The following SH3BGR variants were observed in gnomAD, a reference collection of about 807,000 sequenced individuals.
SH3BGR encodes the protein SH3 domain-binding glutamic acid-rich protein.
In SH3BGR, 29 loss-of-function variants were observed where a neutral mutation model predicts 24.5. The observed-to-expected ratio is 1.18, with a 90% CI of 0.88 to 1.61. SH3BGR has a LOEUF of 1.61. Ranked by LOEUF, SH3BGR falls within the 40% of genes most tolerant of loss-of-function variation. The pLI is 0.00. For missense variants in SH3BGR, 162 were observed against 205.8 expected, an observed-to-expected ratio of 0.79 and a Z score of 1.30; for synonymous variants, 55 against 65.7, an observed-to-expected ratio of 0.84 and a Z score of 0.79.
intron 6 of SH3BGR, among the ~76,000 whole-genome samples, chr21:39,514,483 T>C (rs2078749466): frequency 6.6e-6 from 1 of 152,080 alleles, no homozygotes; most frequent in Non-Finnish European, 1.5e-5. Flanking sequence ...CACCTCAGCT[T>C]CTTGAGTCGC....
At chr21:39,514,994 ACTTTC>A (rs2078757344) in intron 6 of SH3BGR, 89 bp from the exon 7 acceptor site, 1 of 384,634 alleles carries the variant, frequency 2.6e-6, no homozygotes, top group Non-Finnish European at 5.3e-6. Context: ...AAAAGGCAAC[ACTTTC>A]CTTTATTGTA....
At chr21:39,451,680 CT>C, upstream of SH3BGR, 1 of 561,882 alleles carries the variant, frequency 1.8e-6, no homozygotes, top group East Asian at 3.1e-5. Flanking sequence ...TCCTCCCTCA[CT>C]TCTTTCGCCT....
upstream of SH3BGR, among the ~76,000 whole-genome samples, chr21:39,450,987 T>G (rs1168379806): frequency 1.3e-5 from 2 of 151,934 alleles, no homozygotes; most frequent in African/African-American, 4.8e-5. Context: ...TGTTTTTTTT[T>G]GTGTTATTGT....
intron 3 of SH3BGR, among the ~76,000 whole-genome samples, chr21:39,496,499 T>G (rs2078398869): frequency 9.7e-6 from 1 of 103,010 alleles, no homozygotes; most frequent in Non-Finnish European, 1.9e-5. Flanking sequence ...AGAGCGAGAC[T>G]CCGTCTCAAA....
chr21:39,467,355 A>G (rs2077861695), intron 2 of SH3BGR, among the ~76,000 whole-genome samples: 1 of 152,190 alleles, frequency 6.6e-6, no homozygotes, highest in South Asian at 2.1e-4. Context: ...ATATGGATCT[A>G]ATGAAATAAA....
At chr21:39,458,207 CT>C (rs2077695473) in intron 1 of SH3BGR, among the ~76,000 whole-genome samples, 1 of 36,408 alleles carries the variant, frequency 2.7e-5, no homozygotes, top group Non-Finnish European at 6.6e-5. Context: ...GGCTCTTGTG[CT>C]CTGTAAAACA....
At chr21:39,470,596 C>G (rs185512919) in intron 2 of SH3BGR, among the ~76,000 whole-genome samples, 1 of 152,154 alleles carries the variant, frequency 6.6e-6, no homozygotes, top group Admixed American at 6.5e-5. Context: ...TAGACACTTT[C>G]ACCCTAATCA....
At chr21:39,489,304 A>G (rs1258461267) in intron 3 of SH3BGR, among the ~76,000 whole-genome samples, 1 of 152,244 alleles carries the variant, frequency 6.6e-6, no homozygotes, top group Non-Finnish European at 1.5e-5. Context: ...CCTGAGGACT[A>G]GAAACTATGG....
At chr21:39,503,002 C>T (rs1359582892) in intron 4 of SH3BGR, among the ~76,000 whole-genome samples, 1 of 146,726 alleles carries the variant, frequency 6.8e-6, no homozygotes, top group African/African-American at 2.5e-5. Context: ...TTTTTTTCCT[C>T]AGGGACCGCC....
intron 3 of SH3BGR, among the ~76,000 whole-genome samples, chr21:39,493,556 C>G (rs1217401783): frequency 6.6e-6 from 1 of 152,088 alleles, no homozygotes; most frequent in African/African-American, 2.4e-5. Context: ...CATGATGCCT[C>G]CAGATTTGTT....
At chr21:39,472,711 G>A (rs912113206) in intron 2 of SH3BGR, among the ~76,000 whole-genome samples, 2 of 152,162 alleles carry the variant, frequency 1.3e-5, no homozygotes, top group Non-Finnish European at 2.9e-5. Flanking sequence ...AATCAGGGAA[G>A]TTTCCTTCCA....
In SH3BGR at chr21:39,511,747, A is replaced by AAGG. The variant is rs2078699959; in HGVS notation, c.505_506insGAG (p.Glu168_Glu169insGly). On this transcript the variant is annotated inframe_insertion, in exon 6 of 7. Coordinates refer to ENST00000333634, the MANE Select transcript of SH3BGR (RefSeq NM_007341.3). The surrounding 1 kb of genome is among the most constrained non-coding windows in gnomAD (Gnocchi z 4.2). Reference sequence around the variant, plus strand: ...GAGGAGGAAGAAACTGCAGAAGGAGAAGAGCCTGGAGAAGACGAAGATTCC... The same window carrying AAGG: ...GAGGAGGAAGAAACTGCAGAAGGAGAAGGAGAGCCTGGAGAAGACGAAGATTCC... 1 of 1,612,580 alleles carries AAGG rather than the reference A, an allele frequency of 6.2e-7. No individual in the cohort carries two copies. The highest frequency in any genetic ancestry group is 1.7e-5 in the Admixed American group (1 of 59,922).
At chr21:39,508,277 G>A (rs1315993645) in intron 4 of SH3BGR, among the ~76,000 whole-genome samples, 1 of 152,200 alleles carries the variant, frequency 6.6e-6, no homozygotes, top group Non-Finnish European at 1.5e-5. Flanking sequence ...TGGCTTCAGG[G>A]AGGTTTATCG....
intron 3 of SH3BGR, among the ~76,000 whole-genome samples, chr21:39,497,342 A>T (rs1304621122): frequency 6.6e-6 from 1 of 151,656 alleles, no homozygotes; most frequent in Non-Finnish European, 1.5e-5. Context: ...ACAAATGTAG[A>T]CGTCGACTTT....
intron 1 of SH3BGR, among the ~76,000 whole-genome samples, chr21:39,460,143 G>T (rs1197158887): frequency 6.6e-6 from 1 of 152,174 alleles, no homozygotes; most frequent in African/African-American, 2.4e-5. Flanking sequence ...TGTTCCCTTA[G>T]GTGTGGCTGC....
At position 39,465,879 on chromosome 21, in the gene SH3BGR, C is replaced by T. The variant is rs569830352; in HGVS notation, c.231+3319C>T. Among the ~76,000 whole-genome samples, 10 of 152,334 alleles carry T rather than the reference C, an allele frequency of 6.6e-5. No individual in the cohort carries two copies. In the East Asian group the frequency reaches 1.9e-3, roughly 29 times the overall value. ...GTGTTGGGATTATAGGTGTGAGCTG[C>T]TGTGCCTGGCTGCCCCATATTTTAA... On this transcript the variant is annotated intron_variant, in intron 2 of 6. Transcript: ENST00000333634.
At chr21:39,459,440 G>A (rs574083715) in intron 1 of SH3BGR, among the ~76,000 whole-genome samples, 6 of 152,290 alleles carry the variant, frequency 3.9e-5, no homozygotes, top group Admixed American at 2.0e-4. Context: ...GGCCAGGATA[G>A]TCTCGATCTC....
At chr21:39,492,443 G>GGTGTGTGTGTGTGTGT (rs1164205385) in intron 3 of SH3BGR, among the ~76,000 whole-genome samples, 37 of 136,636 alleles carry the variant, frequency 2.7e-4, no homozygotes, top group African/African-American at 1.0e-3. Context: ...AGTTTCCCTT[G>GGTGTGTGTGTGTGTGT]GTGTGTGTGT....
At chr21:39,472,038 G>A (rs2077949683) in intron 2 of SH3BGR, among the ~76,000 whole-genome samples, 1 of 151,972 alleles carries the variant, frequency 6.6e-6, no homozygotes, top group Non-Finnish European at 1.5e-5. Flanking sequence ...TCCACCTTCT[G>A]TTATTTCTTC....
Sources: allele counts gnomAD v4.1 joint callset (sites outside exome capture counted in the v4.1 genomes callset), GRCh38; gene constraint gnomAD v4.1.1; non-coding constraint Gnocchi (gnomAD v3.1); transcripts MANE v1.5; gene names NCBI Gene and HGNC (gene_info 2026-07-23, HGNC 2026-07-21).